PRIM2: variants seen among roughly 807,000 people sequenced by gnomAD.
PRIM2 encodes the protein DNA primase large subunit.
A neutral mutation model predicts 67.3 loss-of-function variants in PRIM2; 39 were observed. That is an observed-to-expected ratio of 0.58 (90% CI 0.45 to 0.76). The LOEUF is 0.76. PRIM2 is among the 30% of genes least tolerant of loss of function. The pLI is 0.00. For missense variants in PRIM2, 398 were observed against 598.7 expected (o/e 0.66, Z 3.50); for synonymous variants, 143 against 198.7 (o/e 0.72, Z 2.36).
intron 5 of PRIM2, among the ~76,000 whole-genome samples, chr6:57,343,906 G>C (rs979446720): frequency 1.3e-5 from 2 of 152,140 alleles, no homozygotes; most frequent in Non-Finnish European, 2.9e-5. Flanking sequence ...GGGTCAGGGT[G>C]GATGGAAAAT....
At chr6:57,304,973 A>G in the PRIM2 span, among the ~76,000 whole-genome samples, 1 of 152,210 alleles carries the variant, frequency 6.6e-6, no homozygotes, top group Admixed American at 6.5e-5. Context: ...GCATCAGGAA[A>G]GTCCCTTTCC....
intron 12 of PRIM2, among the ~76,000 whole-genome samples, chr6:57,622,086 GATTACAGCC>G (rs1456011852): frequency 4.6e-5 from 7 of 152,044 alleles, no homozygotes; most frequent in African/African-American, 1.7e-4. Flanking sequence ...AAGTAGCTGG[GATTACAGCC>G]AGTTTGTGTT....
chr6:57,279,556 G>A, the PRIM2 span, among the ~76,000 whole-genome samples: 2 of 152,138 alleles, frequency 1.3e-5, no homozygotes, highest in Non-Finnish European at 2.9e-5. Flanking sequence ...AGAACTATAT[G>A]ACTAGATTGT....
chr6:57,524,006 C>G (rs1292428029), intron 8 of PRIM2, among the ~76,000 whole-genome samples: 2 of 151,802 alleles, frequency 1.3e-5, no homozygotes, highest in African/African-American at 4.8e-5. Context: ...TATTTTTGCT[C>G]TGTACATTAG....
At chr6:57,224,633 T>TG in the PRIM2 span, among the ~76,000 whole-genome samples, 7 of 150,094 alleles carry the variant, frequency 4.7e-5, no homozygotes, top group African/African-American at 1.7e-4. Flanking sequence ...TTCTTTTTAA[T>TG]GGGAAAAAAA....
intron 7 of PRIM2, among the ~76,000 whole-genome samples, chr6:57,394,684 A>G (rs1254140360): frequency 6.6e-6 from 1 of 152,048 alleles, no homozygotes; most frequent in Non-Finnish European, 1.5e-5. Flanking sequence ...TCCGGCTAGG[A>G]CTTCCAGTAC....
chr6:57,454,005 G>A (rs1238073085), intron 7 of PRIM2, among the ~76,000 whole-genome samples: 4 of 152,244 alleles, frequency 2.6e-5, no homozygotes, highest in South Asian at 4.2e-4. Context: ...AAGGGTTGTC[G>A]AATTTTGTCA....
At chr6:57,307,239 T>A in the PRIM2 span, among the ~76,000 whole-genome samples, 1 of 131,418 alleles carries the variant, frequency 7.6e-6, no homozygotes, top group Non-Finnish European at 1.6e-5. Context: ...AATAAAAAAA[T>A]AAATGCTAAT....
At chr6:57,463,511 G>T (rs1303764128) in intron 7 of PRIM2, among the ~76,000 whole-genome samples, 1 of 152,058 alleles carries the variant, frequency 6.6e-6, no homozygotes, top group Non-Finnish European at 1.5e-5. Flanking sequence ...ACAAAACCAA[G>T]AAAATAAAGG....
intron 7 of PRIM2, among the ~76,000 whole-genome samples, chr6:57,468,392 G>A (rs1773255577): frequency 6.6e-6 from 1 of 152,088 alleles, no homozygotes; most frequent in African/African-American, 2.4e-5. Context: ...ATAACTGTGT[G>A]GTTTTTGTCT....
intron 7 of PRIM2, among the ~76,000 whole-genome samples, chr6:57,474,120 T>C (rs1178071238): frequency 3.8e-4 from 58 of 151,970 alleles, no homozygotes; most frequent in Non-Finnish European, 7.1e-4. Context: ...CATCAGTTTG[T>C]CCATTTGAAA....
At chr6:57,304,165 C>T in the PRIM2 span, among the ~76,000 whole-genome samples, 3 of 151,964 alleles carry the variant, frequency 2.0e-5, no homozygotes, top group Admixed American at 1.3e-4. Flanking sequence ...GAAAATAACA[C>T]AGTCATCCAG....
At chr6:57,240,098 T>TTTGTTG in the PRIM2 span, among the ~76,000 whole-genome samples, 1 of 75,814 alleles carries the variant, frequency 1.3e-5, no homozygotes, top group African/African-American at 4.5e-5. Flanking sequence ...TCTGTTTTTT[T>TTTGTTG]TTTTTTTTTT....
At position 57,389,225 on chromosome 6, in the gene PRIM2, C is replaced by T. The variant is rs1884974; in HGVS notation, c.693+7057C>T. Among the ~76,000 whole-genome samples, 436 of 152,266 alleles carry T rather than the reference C, an allele frequency of 2.9e-3. 2 individuals carry two copies. The highest frequency in any genetic ancestry group is 0.01 in the African/African-American group (419 of 41,556). On this transcript the variant is annotated intron_variant, in intron 7 of 13. Transcript: ENST00000615550. ...GCTCAAGCAGTCCGCCTGCCTTAGC[C>T]TCCTAAGTAGCTGGAGCCACAGGCC...
At chr6:57,490,563 T>G (rs1458866101) in intron 7 of PRIM2, among the ~76,000 whole-genome samples, 1 of 152,138 alleles carries the variant, frequency 6.6e-6, no homozygotes, top group African/African-American at 2.4e-5. Context: ...AATAAATGTA[T>G]TCAGCAATAA....
At chr6:57,236,256 C>G in the PRIM2 span, among the ~76,000 whole-genome samples, 1 of 152,022 alleles carries the variant, frequency 6.6e-6, no homozygotes, top group African/African-American at 2.4e-5. Context: ...CCAAATCTGA[C>G]CTGTCATTCT....
intron 7 of PRIM2, among the ~76,000 whole-genome samples, chr6:57,436,516 C>T (rs7751464): frequency 0.47 from 71,920 of 152,038 alleles, 18,706 homozygotes; most frequent in South Asian, 0.62. Context: ...CATTGGTAGT[C>T]CTGAACACTG....
intron 12 of PRIM2, among the ~76,000 whole-genome samples, chr6:57,622,064 C>T (rs1343470538): frequency 2.0e-5 from 3 of 152,090 alleles, no homozygotes; most frequent in Non-Finnish European, 4.4e-5. Flanking sequence ...AATTTTCCTG[C>T]CTAAGCCTCC....
chr6:57,295,347 A>C, the PRIM2 span, among the ~76,000 whole-genome samples: 43 of 150,294 alleles, frequency 2.9e-4, no homozygotes, highest in Non-Finnish European at 5.6e-4. Context: ...GAATTTTATA[A>C]AAAAAAAAAT....
Sources: allele counts gnomAD v4.1 joint callset (sites outside exome capture counted in the v4.1 genomes callset), GRCh38; gene constraint gnomAD v4.1.1; transcripts MANE v1.5; gene names NCBI Gene and HGNC (gene_info 2026-07-23, HGNC 2026-07-21).